The following SLC5A11 variants were observed in gnomAD, a reference collection of about 807,000 sequenced individuals.
SLC5A11 encodes sodium/myo-inositol cotransporter 2.
SLC5A11 carries 48 observed loss-of-function variants against 69.8 expected under a neutral mutation model. The observed-to-expected ratio is 0.69, with a 90% CI of 0.55 to 0.87. The LOEUF is 0.87. Ranked by LOEUF, SLC5A11 falls within the 40% of genes least tolerant of loss-of-function variation. The probability of loss-of-function intolerance (pLI) is 0.00; values close to 1 mark genes in which losing one functional copy is unlikely to be tolerated. For synonymous variants in SLC5A11, 319 were observed against 342.4 expected (o/e 0.93, Z 0.75); for missense variants, 784 against 866.1 (o/e 0.91, Z 1.19).
intron 10 of SLC5A11, among the ~76,000 whole-genome samples, chr16:24,906,342 C>CAA (rs753153658): frequency 1.7e-4 from 13 of 75,998 alleles, no homozygotes; most frequent in African/African-American, 2.3e-4. Context: ...GGCTCCGTCT[C>CAA]AAAAAAAAAA....
intron 4 of SLC5A11, among the ~76,000 whole-genome samples, chr16:24,870,310 C>T (rs575755818): frequency 6.6e-6 from 1 of 151,976 alleles, no homozygotes; most frequent in African/African-American, 2.4e-5. Context: ...GGAGAATCAT[C>T]TGAACCCGGG....
chr16:24,903,931 A>T (rs977888295), intron 10 of SLC5A11, among the ~76,000 whole-genome samples: 2 of 152,196 alleles, frequency 1.3e-5, no homozygotes, highest in African/African-American at 4.8e-5. Context: ...TTTATAAAGG[A>T]AAGAGGTTTA....
intron 7 of SLC5A11, among the ~76,000 whole-genome samples, chr16:24,882,521 ATTGGATAAGTGTCCCTTCTC>A (rs2048113513): frequency 6.6e-6 from 1 of 152,144 alleles, no homozygotes; most frequent in Admixed American, 6.5e-5. Flanking sequence ...ACATGTTTCT[ATTGGATAAGTGTCCCTTCTC>A]CTCAGGGAAG....
chr16:24,893,602 G>T (rs1461320764), intron 9 of SLC5A11, among the ~76,000 whole-genome samples: 2 of 151,598 alleles, frequency 1.3e-5, no homozygotes, highest in African/African-American at 4.8e-5. Context: ...ACAGAGTCTC[G>T]CTCTGTTGCC....
intron 8 of SLC5A11, among the ~76,000 whole-genome samples, chr16:24,884,948 G>A (rs1197396356): frequency 1.3e-5 from 2 of 151,880 alleles, no homozygotes; most frequent in Admixed American, 1.3e-4. Context: ...TCGTCATGTT[G>A]CCCAGGCTGG....
chr16:24,901,688 C>A (rs983406443), intron 10 of SLC5A11, among the ~76,000 whole-genome samples: 4 of 152,050 alleles, frequency 2.6e-5, no homozygotes, highest in Non-Finnish European at 5.9e-5. Context: ...ATCTTCCAAG[C>A]GTTATTCTAG....
exon 3 of SLC5A11, chr16:24,862,619 A>G (rs779660172): frequency 1.2e-6 from 2 of 1,613,582 alleles, no homozygotes; most frequent in South Asian, 2.2e-5. Flanking sequence ...GAAGACCAAA[A>G]GAGACACAGT....
intron 1 of SLC5A11, among the ~76,000 whole-genome samples, chr16:24,857,079 C>T (rs560659593): frequency 3.9e-5 from 6 of 152,268 alleles, no homozygotes; most frequent in South Asian, 4.1e-4. Context: ...CTCGGCCTCC[C>T]GAAGTGCTGG....
intron 10 of SLC5A11, among the ~76,000 whole-genome samples, chr16:24,901,839 C>G (rs1459170764): frequency 6.7e-6 from 1 of 148,774 alleles, no homozygotes; most frequent in Non-Finnish European, 1.5e-5. Flanking sequence ...AATCCCAGCT[C>G]TTTGGGAGGC....
At chr16:24,868,152 G>T (rs1040030364) in intron 3 of SLC5A11, among the ~76,000 whole-genome samples, 2 of 146,370 alleles carry the variant, frequency 1.4e-5, no homozygotes, top group Non-Finnish European at 3.0e-5. Flanking sequence ...AAAAAAAAAA[G>T]TAAAGACAGT....
intron 9 of SLC5A11, among the ~76,000 whole-genome samples, chr16:24,896,506 A>G (rs946073617): frequency 6.6e-6 from 1 of 152,034 alleles, no homozygotes; most frequent in Non-Finnish European, 1.5e-5. Flanking sequence ...TAAAAAAAAA[A>G]GGCATTTTAA....
At chr16:24,891,804 C>G (rs1343490571) in intron 9 of SLC5A11, among the ~76,000 whole-genome samples, 1 of 152,116 alleles carries the variant, frequency 6.6e-6, no homozygotes. Flanking sequence ...ACAAAGCTCT[C>G]TGCCCTTGTG....
intron 1 of SLC5A11, among the ~76,000 whole-genome samples, chr16:24,857,668 C>T (rs1478128386): frequency 1.3e-5 from 2 of 152,188 alleles, no homozygotes; most frequent in Non-Finnish European, 2.9e-5. Context: ...GTGGCTATCT[C>T]TTCTGATTCT....
chr16:24,870,059 ATCTCAGG>A, intron 4 of SLC5A11, 54 bp downstream of exon 5: 3 of 1,288,312 alleles, frequency 2.3e-6, no homozygotes, highest in Non-Finnish European at 3.4e-6. Flanking sequence ...TAACAGGTAG[ATCTCAGG>A]GGAAAGTTGT....
At chr16:24,870,705 G>T (rs963990079) in intron 4 of SLC5A11, among the ~76,000 whole-genome samples, 10 of 148,602 alleles carry the variant, frequency 6.7e-5, no homozygotes, top group Admixed American at 6.2e-4. Flanking sequence ...ACTTGAACCT[G>T]GGAGACAGAG....
chr16:24,871,908 A>G (rs1316972877), intron 4 of SLC5A11, among the ~76,000 whole-genome samples: 1 of 152,136 alleles, frequency 6.6e-6, no homozygotes, highest in Non-Finnish European at 1.5e-5. Flanking sequence ...AAGTGATGAC[A>G]TGATGTTTAG....
chr16:24,908,934 C>T, exon 14 of SLC5A11: 1 of 1,613,992 alleles, frequency 6.2e-7, no homozygotes, highest in South Asian at 1.1e-5. Context: ...TTAGGCTGGT[C>T]CTGGACTTTA....
chr16:24,889,887 G>A (rs577104496), intron 8 of SLC5A11, among the ~76,000 whole-genome samples: 1 of 152,134 alleles, frequency 6.6e-6, no homozygotes, highest in East Asian at 1.9e-4. Flanking sequence ...AAATTACTAT[G>A]TCACATTTTT....
chr16:24,894,387 A>G (rs2049008572), intron 9 of SLC5A11, among the ~76,000 whole-genome samples: 1 of 152,194 alleles, frequency 6.6e-6, no homozygotes, highest in Non-Finnish European at 1.5e-5. Flanking sequence ...AGGTGGCTAG[A>G]TGACAGATGC....
Sources: gnomAD v4.1 joint callset for allele counts (sites outside exome capture counted in the v4.1 genomes callset) on GRCh38, gnomAD v4.1.1 for gene constraint, MANE v1.5 for transcripts, NCBI Gene and HGNC (gene_info 2026-07-23, HGNC 2026-07-21) for gene names.